The following ZNF292 variants were observed in gnomAD, a reference collection of about 807,000 sequenced individuals.
The protein encoded by ZNF292 is 16 zinc-finger domain protein.
Under a neutral mutation model 217.9 loss-of-function variants are expected in ZNF292, and 26 were observed. The observed-to-expected ratio is 0.12, with a 90% CI of 0.09 to 0.17. ZNF292 has a LOEUF of 0.17. Among genes scored for constraint, ZNF292 ranks in the 10% least tolerant of loss-of-function variants. The pLI, the probability that ZNF292 is intolerant of heterozygous loss-of-function variation, is 1.00. For missense variants in ZNF292, 2,904 were observed against 3,175.2 expected (o/e 0.91, Z 2.05); for synonymous variants, 1,257 against 1,124.1 (o/e 1.12, Z -2.37).
intron 7 of ZNF292, among the ~76,000 whole-genome samples, chr6:87,248,713 A>G (rs1004839383): frequency 2.0e-5 from 3 of 152,388 alleles, no homozygotes; most frequent in African/African-American, 7.2e-5. Context: ...ACTTGGAACT[A>G]GAAGCCAAAC....
At chr6:87,241,768 A>C (rs1006833124) in intron 5 of ZNF292, among the ~76,000 whole-genome samples, 5 of 152,310 alleles carry the variant, frequency 3.3e-5, no homozygotes, top group Admixed American at 3.3e-4. Flanking sequence ...TTTGTGGCTT[A>C]ACCACTTAAC....
At chr6:87,227,581 A>G (rs1773419608) in intron 4 of ZNF292, among the ~76,000 whole-genome samples, 1 of 151,818 alleles carries the variant, frequency 6.6e-6, no homozygotes, top group Non-Finnish European at 1.5e-5. Flanking sequence ...ATACCCATTA[A>G]ACAACAACTC....
intron 7 of ZNF292, among the ~76,000 whole-genome samples, chr6:87,246,145 T>G (rs1774568864): frequency 6.6e-6 from 1 of 152,244 alleles, no homozygotes; most frequent in African/African-American, 2.4e-5. Flanking sequence ...GCAGTAGAAT[T>G]GCTTGAACCT....
chr6:87,258,667 C>T lies in ZNF292; in HGVS notation c.5038C>T (p.Gln1680Ter). 1 of 1,613,464 alleles carries T rather than the reference C, an allele frequency of 6.2e-7. No homozygotes were observed. The highest frequency in any genetic ancestry group is 8.5e-7 in the Non-Finnish European group (1 of 1,179,694). ...AAATGTAATTCCAACTTGTGAACCT[C>T]AGAGTTTGGTGGAAAATCTAACACA... ...HSNVIPTCEP[Q>*]SLVENLTQKL... Residue 1680 changes from glutamine to a stop codon, truncating the protein, a stop_gained, in exon 8 of 8, where the codon CAG becomes TAG. Transcript: ENST00000369577. LOFTEE classifies it high-confidence loss of function.
chr6:87,233,274 A>T, intron 4 of ZNF292, 51 bp from the exon 5 acceptor site: 1 of 1,348,974 alleles, frequency 7.4e-7, no homozygotes, highest in Non-Finnish European at 1.0e-6. Flanking sequence ...TTGGTATTGC[A>T]AATGAATTAT....
chr6:87,247,171 T>TAA (rs540303408), intron 7 of ZNF292, among the ~76,000 whole-genome samples: 95 of 133,954 alleles, frequency 7.1e-4, no homozygotes, highest in African/African-American at 2.1e-3. Context: ...GACTTGGTCT[T>TAA]AAAAAAAAAA....
intron 7 of ZNF292, among the ~76,000 whole-genome samples, chr6:87,246,457 CT>C (rs1774589407): frequency 6.6e-6 from 1 of 152,130 alleles, no homozygotes; most frequent in Non-Finnish European, 1.5e-5. Context: ...GAACAGAAAG[CT>C]TGAACTGATG....
At chr6:87,244,937 A>G in intron 6 of ZNF292, among the ~76,000 whole-genome samples, 1 of 151,990 alleles carries the variant, frequency 6.6e-6, no homozygotes. Context: ...CATCTGTAAA[A>G]CTTGTTTAAA....
In ZNF292 at chr6:87,258,346, A is replaced by G. The variant is rs763551059; in HGVS notation, c.4717A>G (p.Asn1573Asp). 4.3e-6 allele frequency: 7 copies of G among 1,613,632 alleles called. No homozygotes were observed. Among genetic ancestry groups the G allele is most frequent in the Admixed American group, 1.7e-5 (1 of 59,906 alleles). Reference protein sequence around the residue: ...ECSSLPVFPTNDLLLKTVENG... With the variant: ...ECSSLPVFPTDDLLLKTVENG... The stretch of plus-strand genomic sequence containing the variant: ...TAGCAGCTTGCCTGTTTTTCCAACG[A>G]ATGACTTACTACTGAAGACTGTTGA... The change falls in exon 8 of 8, where the codon AAT becomes GAT. Residue 1573 changes from asparagine to aspartate, a missense_variant. By Grantham distance (23) the Asn-to-Asp change is conservative (BLOSUM62 1). Around this residue, in one of 15 missense-constraint regions of ZNF292, gnomAD observed 622 missense variants for 573.1 expected, o/e 1.09. Transcript: ENST00000369577.
intron 1 of ZNF292, among the ~76,000 whole-genome samples, chr6:87,162,121 T>G (rs533308025): frequency 7.9e-5 from 12 of 152,294 alleles, no homozygotes; most frequent in African/African-American, 2.9e-4. Context: ...GAGTTCAAAG[T>G]AGGTAGTAAG....
intron 6 of ZNF292, 24 bp downstream of exon 6, chr6:87,243,635 A>G (rs1334534084): frequency 6.9e-7 from 1 of 1,443,890 alleles, no homozygotes; most frequent in Non-Finnish European, 9.1e-7. Flanking sequence ...TTTTTTTTTA[A>G]AGAAATATTT....
At position 87,216,275 on chromosome 6, in the gene ZNF292, C is replaced by G. The variant is rs776272905; in HGVS notation, c.324-24C>G. On this transcript the variant is annotated intron_variant, in intron 2 of 7. Coordinates refer to ENST00000369577, the MANE Select transcript of ZNF292 (RefSeq NM_015021.3). ...TTTGAATTTTAATAATTATTCCTCT[C>G]CTTACCAACTTTTTGTTTTTTAGAA... 1.2e-5 allele frequency: 19 copies of G among 1,548,116 alleles called. No individual in the cohort carries two copies. In the South Asian group the frequency reaches 2.1e-4, roughly 17 times the overall value.
rs116291026 is a variant in ZNF292 at position 87,199,928 on chromosome 6, A to G, written c.169-15975A>G. On this transcript the variant is annotated intron_variant, in intron 1 of 7. Coordinates refer to ENST00000369577, the MANE Select transcript of ZNF292 (RefSeq NM_015021.3). ...CCATTGTATTTCATGTTCTGAAGTA[A>G]GGATGTATTGTGTGTGCCAACTGGC... 8.3e-3 allele frequency among the ~76,000 whole-genome samples: 1,261 copies of G among 152,268 alleles called. 24 individuals carry two copies. The highest frequency in any genetic ancestry group is 0.028 in the African/African-American group (1,152 of 41,546).
intron 1 of ZNF292, among the ~76,000 whole-genome samples, chr6:87,163,450 CAAA>C (rs751272449): frequency 7.5e-6 from 1 of 133,418 alleles, no homozygotes; most frequent in Admixed American, 7.6e-5. Context: ...GACTTCGCCT[CAAA>C]AAAAAAAAAC....
intron 1 of ZNF292, among the ~76,000 whole-genome samples, chr6:87,187,630 A>T (rs1268474434): frequency 6.8e-6 from 1 of 147,746 alleles, no homozygotes; most frequent in African/African-American, 2.5e-5. Flanking sequence ...TGGGAGGATC[A>T]CTTGAACCCA....
intron 7 of ZNF292, among the ~76,000 whole-genome samples, chr6:87,253,011 A>G (rs975255863): frequency 2.0e-5 from 3 of 151,848 alleles, no homozygotes; most frequent in Non-Finnish European, 4.4e-5. Context: ...ATTTCAAGCA[A>G]TCCTCCTGCC....
intron 1 of ZNF292, among the ~76,000 whole-genome samples, chr6:87,188,416 A>G (rs1771727375): frequency 6.6e-6 from 1 of 152,186 alleles, no homozygotes; most frequent in African/African-American, 2.4e-5. Context: ...TCCTGGCCTT[A>G]TATTTCTATT....
chr6:87,211,013 A>G (rs1474130405), intron 1 of ZNF292, among the ~76,000 whole-genome samples: 1 of 152,218 alleles, frequency 6.6e-6, no homozygotes, highest in Non-Finnish European at 1.5e-5. Flanking sequence ...CTTTTTGAAC[A>G]ATGTGCACAT....
intron 4 of ZNF292, among the ~76,000 whole-genome samples, chr6:87,231,692 G>T (rs1268651854): frequency 6.6e-6 from 1 of 152,190 alleles, no homozygotes; most frequent in African/African-American, 2.4e-5. Flanking sequence ...ATTTGAGAAT[G>T]CAGGGCCTAT....
Sources: gnomAD v4.1 joint callset for allele counts (sites outside exome capture counted in the v4.1 genomes callset) on GRCh38, gnomAD v4.1.1 for gene constraint, gnomAD v4.1.1 regional missense constraint, MANE v1.5 for transcripts, NCBI Gene and HGNC (gene_info 2026-07-23, HGNC 2026-07-21) for gene names.